The following FAM227B variants were observed in gnomAD, a reference collection of about 807,000 sequenced individuals.
FAM227B encodes family with sequence similarity 227 member B.
A neutral mutation model predicts 73.8 loss-of-function variants in FAM227B; 88 were observed. The observed-to-expected ratio is 1.19, with a 90% confidence interval of 1.00 to 1.42. The LOEUF (loss-of-function observed/expected upper bound fraction) is 1.42, where lower values mean the gene tolerates loss of function less well. Ranked by LOEUF, FAM227B falls within the 40% of genes most tolerant of loss-of-function variation. The probability of loss-of-function intolerance (pLI) is 0.00; values close to 1 mark genes in which losing one functional copy is unlikely to be tolerated. For missense variants in FAM227B, 632 were observed against 590.9 expected, an observed-to-expected ratio of 1.07 and a Z score of -0.72; for synonymous variants, 210 against 190.5, an observed-to-expected ratio of 1.10 and a Z score of -0.84.
At chr15:49,539,397 G>A (rs2070737736) in intron 10 of FAM227B, among the ~76,000 whole-genome samples, 1 of 152,172 alleles carries the variant, frequency 6.6e-6, no homozygotes, top group Admixed American at 6.5e-5. Flanking sequence ...CTTCGTGGTG[G>A]TAGTAGTGGT....
chr15:49,599,851 C>T (rs1332929318), intron 3 of FAM227B, among the ~76,000 whole-genome samples: 1 of 152,010 alleles, frequency 6.6e-6, no homozygotes, highest in Admixed American at 6.6e-5. Context: ...GGAGAATTTT[C>T]TTTGTGTACT....
rs368454790 is a variant in FAM227B at position 49,329,701 on chromosome 15, C to A, written c.1420-1026G>T. The A allele has an allele frequency of 9.8e-5, 95 of 973,092 alleles. 1 individual carries two copies. In the East Asian group the frequency reaches 8.6e-3, roughly 88 times the overall value. The allele number at this position is 973,092 out of a possible 1,614,324, so 60.3% of individuals were successfully genotyped here. ...GTTCTATAAATCCAAAAATCTGAAA[C>A]CTGAATTTATTTAAATTTATAATCC... On this transcript the variant is annotated intron_variant, in intron 15 of 15. Transcript: ENST00000299338.
At chr15:49,474,815 C>T (rs1200110909) in intron 11 of FAM227B, among the ~76,000 whole-genome samples, 3 of 152,082 alleles carry the variant, frequency 2.0e-5, no homozygotes, top group African/African-American at 4.8e-5. Flanking sequence ...ATCTAGGTTG[C>T]GTGCTCCGTA....
At chr15:49,439,595 G>A (rs1401742635) in intron 11 of FAM227B, among the ~76,000 whole-genome samples, 1 of 151,692 alleles carries the variant, frequency 6.6e-6, no homozygotes, top group Non-Finnish European at 1.5e-5. Flanking sequence ...AACAATAGAA[G>A]AGAAACAGAG....
chr15:49,347,729 A>G (rs1244483734), intron 13 of FAM227B, among the ~76,000 whole-genome samples: 1 of 152,166 alleles, frequency 6.6e-6, no homozygotes, highest in South Asian at 2.1e-4. Context: ...ATTAAAATGG[A>G]TAACATTGGC....
chr15:49,396,344 C>T lies in FAM227B; in HGVS notation c.1013-24945G>A, dbSNP rs1266607126. ...TATCCCACACCTGGCTCGGAGGGTC[C>T]TACGCCCACGGAGTCTCGCTGATTG... On this transcript the variant is annotated intron_variant, in intron 11 of 15. Coordinates refer to ENST00000299338, the MANE Select transcript of FAM227B (RefSeq NM_152647.3). 19 of 330,318 alleles carry T rather than the reference C, an allele frequency of 5.8e-5. 1 individual carries two copies. Among genetic ancestry groups the T allele is most frequent in the South Asian group, 3.1e-4 (13 of 42,380 alleles). The allele number at this position is 330,318 out of a possible 1,614,324, so 20.5% of individuals were successfully genotyped here.
chr15:49,584,759 T>C (rs1332949483), intron 5 of FAM227B, among the ~76,000 whole-genome samples: 2 of 152,068 alleles, frequency 1.3e-5, no homozygotes, highest in Admixed American at 6.6e-5. Context: ...CCATTCACGA[T>C]TGCCACAGAC....
chr15:49,466,970 C>T (rs958162549), intron 11 of FAM227B, among the ~76,000 whole-genome samples: 8 of 152,128 alleles, frequency 5.3e-5, no homozygotes, highest in Admixed American at 1.3e-4. Context: ...ACCAAAATGA[C>T]TTTAAATCGT....
chr15:49,459,695 C>T (rs58410445), intron 11 of FAM227B, among the ~76,000 whole-genome samples: 49,425 of 151,946 alleles, frequency 0.33, 8,756 homozygotes, highest in African/African-American at 0.45. Flanking sequence ...TCAAAAATGA[C>T]TGTACACATT....
intron 13 of FAM227B, among the ~76,000 whole-genome samples, chr15:49,355,857 T>A (rs2043066603): frequency 1.3e-5 from 2 of 152,078 alleles, no homozygotes. Context: ...CGGGTCACCC[T>A]CAAAGGGAAG....
chr15:49,592,397 C>A (rs1479303244), intron 3 of FAM227B, among the ~76,000 whole-genome samples: 2 of 152,194 alleles, frequency 1.3e-5, no homozygotes, highest in Non-Finnish European at 2.9e-5. Context: ...CTTTCTGTTT[C>A]ATAATTTTTC....
intron 11 of FAM227B, among the ~76,000 whole-genome samples, chr15:49,478,277 A>C (rs1381592101): frequency 1.3e-5 from 2 of 151,430 alleles, no homozygotes; most frequent in Admixed American, 6.6e-5. Flanking sequence ...TCATATGCTT[A>C]TTTGCCCTTT....
chr15:49,610,749 G>A (rs915502784), intron 3 of FAM227B, among the ~76,000 whole-genome samples: 1 of 152,076 alleles, frequency 6.6e-6, no homozygotes, highest in African/African-American at 2.4e-5. Context: ...ATAACCCCAG[G>A]CGAAGTCAGT....
chr15:49,361,820 A>T (rs2044291749), intron 13 of FAM227B, among the ~76,000 whole-genome samples: 1 of 152,188 alleles, frequency 6.6e-6, no homozygotes, highest in African/African-American at 2.4e-5. Context: ...AGAAATTGCC[A>T]AACTGCTTTC....
chr15:49,483,217 A>C (rs2056111296), intron 11 of FAM227B: 2 of 1,589,846 alleles, frequency 1.3e-6, no homozygotes, highest in Non-Finnish European at 1.7e-6. Context: ...AGTGAATTCT[A>C]TCTTGCAATG....
chr15:49,570,995 T>C (rs2075058989), intron 8 of FAM227B, among the ~76,000 whole-genome samples: 1 of 150,306 alleles, frequency 6.7e-6, no homozygotes, highest in African/African-American at 2.4e-5. Flanking sequence ...GACATTCAGG[T>C]TGCTTTCATA....
At chr15:49,366,419 A>G in intron 13 of FAM227B, 2 of 867,650 alleles carry the variant, frequency 2.3e-6, no homozygotes, top group African/African-American at 3.3e-5. Context: ...CCATTGCACC[A>G]CAACTGCTTT....
At chr15:49,502,556 C>G (rs2058228568) in intron 11 of FAM227B, among the ~76,000 whole-genome samples, 1 of 152,234 alleles carries the variant, frequency 6.6e-6, no homozygotes, top group East Asian at 1.9e-4. Flanking sequence ...AATGCCTATA[C>G]TCCCATCGTA....
At chr15:49,480,119 C>T (rs1567360872) in intron 11 of FAM227B, among the ~76,000 whole-genome samples, 1 of 152,176 alleles carries the variant, frequency 6.6e-6, no homozygotes, top group Non-Finnish European at 1.5e-5. Context: ...ATGCTCTTCC[C>T]AAGCAATTGT....
Sources: allele counts gnomAD v4.1 joint callset (sites outside exome capture counted in the v4.1 genomes callset), GRCh38; gene constraint gnomAD v4.1.1; transcripts MANE v1.5; gene names NCBI Gene and HGNC (gene_info 2026-07-23, HGNC 2026-07-21).